TRAF3IP1: variants seen among roughly 807,000 people sequenced by gnomAD.
TRAF3IP1 encodes the protein TRAF3-interacting protein 1.
Under a neutral mutation model 89.9 loss-of-function variants are expected in TRAF3IP1, and 53 were observed. The observed-to-expected ratio is 0.59, with a 90% CI of 0.47 to 0.74. The LOEUF (loss-of-function observed/expected upper bound fraction) is 0.74, where lower values mean the gene tolerates loss of function less well. Among genes scored for constraint, TRAF3IP1 ranks in the 30% least tolerant of loss-of-function variants. The pLI is 0.00. For synonymous variants in TRAF3IP1, 311 were observed against 322.1 expected (o/e 0.97, Z 0.37); for missense variants, 806 against 866.1 (o/e 0.93, Z 0.87).
At chr2:238,364,912 G>A (rs1281250779) in intron 15 of TRAF3IP1, among the ~76,000 whole-genome samples, 4 of 152,180 alleles carry the variant, frequency 2.6e-5, no homozygotes, top group African/African-American at 9.7e-5. Context: ...CATTCTGAAA[G>A]AAAGTTGTAA....
intron 2 of TRAF3IP1, 67 bp from the exon 3 acceptor site, chr2:238,325,742 C>T (rs1410362512): frequency 1.4e-6 from 2 of 1,458,294 alleles, no homozygotes; most frequent in African/African-American, 1.4e-5. Flanking sequence ...GCCTGGTAAA[C>T]ATACAGAAGA....
chr2:238,329,365 G>A (rs368452242), intron 5 of TRAF3IP1, 23 bp downstream of exon 5: 2 of 1,340,880 alleles, frequency 1.5e-6, no homozygotes, highest in Non-Finnish European at 1.9e-6. Context: ...TGAGAACCTC[G>A]CCTTTTGCTT....
At chr2:238,354,901 G>C (rs1559373631) in intron 14 of TRAF3IP1, among the ~76,000 whole-genome samples, 1 of 151,618 alleles carries the variant, frequency 6.6e-6, no homozygotes, top group Non-Finnish European at 1.5e-5. Context: ...CGGCCCCCTT[G>C]GCCTCCCAAA....
intron 8 of TRAF3IP1, among the ~76,000 whole-genome samples, chr2:238,344,010 T>C (rs1698779221): frequency 6.6e-6 from 1 of 152,150 alleles, no homozygotes; most frequent in Non-Finnish European, 1.5e-5. Context: ...ATATTTTTTC[T>C]ATCTTCATAA....
intron 10 of TRAF3IP1, 95 bp downstream of exon 10, chr2:238,347,570 C>T (rs1398512353): frequency 3.2e-6 from 4 of 1,257,036 alleles, no homozygotes; most frequent in African/African-American, 1.5e-5. Context: ...TTATAAAGTG[C>T]ATTAGTGAAA....
intron 15 of TRAF3IP1, among the ~76,000 whole-genome samples, chr2:238,377,035 C>G (rs1700345422): frequency 6.6e-6 from 1 of 152,112 alleles, no homozygotes; most frequent in Non-Finnish European, 1.5e-5. Context: ...CAATCGCACC[C>G]AGAGTCCATG....
chr2:238,331,707 C>T (rs935183791), intron 5 of TRAF3IP1, among the ~76,000 whole-genome samples: 124 of 152,232 alleles, frequency 8.1e-4, no homozygotes, highest in African/African-American at 2.3e-3. Context: ...CATTGAGCCG[C>T]GTAGGTCTGG....
chr2:238,337,385 C>G (rs544002099), intron 7 of TRAF3IP1, among the ~76,000 whole-genome samples: 2 of 152,152 alleles, frequency 1.3e-5, no homozygotes, highest in South Asian at 4.1e-4. Flanking sequence ...GGGAAAGGGC[C>G]GGGCCAGGAA....
chr2:238,352,077 G>A (rs759702137), intron 12 of TRAF3IP1, among the ~76,000 whole-genome samples: 1 of 152,108 alleles, frequency 6.6e-6, no homozygotes, highest in African/African-American at 2.4e-5. Context: ...CATTTGTACA[G>A]AGTGAGCTGA....
At chr2:238,334,077 A>AG (rs753623031) in intron 7 of TRAF3IP1, 42 bp downstream of exon 7, 1 of 1,030,876 alleles carries the variant, frequency 9.7e-7, no homozygotes, top group Non-Finnish European at 1.3e-6. Flanking sequence ...TATGGATATT[A>AG]GTTTTTTTTT....
chr2:238,343,143 G>C (rs1411876615), intron 8 of TRAF3IP1, among the ~76,000 whole-genome samples: 1 of 151,510 alleles, frequency 6.6e-6, no homozygotes, highest in African/African-American at 2.4e-5. Flanking sequence ...CTGGAGTGCA[G>C]TGGCACGATC....
intron 15 of TRAF3IP1, among the ~76,000 whole-genome samples, chr2:238,357,692 C>G (rs138175588): frequency 2.0e-5 from 3 of 152,300 alleles, no homozygotes; most frequent in African/African-American, 7.2e-5. Context: ...ATAGTCCTTT[C>G]TGTATGCATG....
chr2:238,348,871 T>C, intron 11 of TRAF3IP1, 23 bp downstream of exon 11: 1 of 1,606,540 alleles, frequency 6.2e-7, no homozygotes, highest in Non-Finnish European at 8.5e-7. Flanking sequence ...TGAATCCCTT[T>C]CCCTCAGCAG....
chr2:238,387,750 A>ATGT (rs1700832849), intron 15 of TRAF3IP1, among the ~76,000 whole-genome samples: 1 of 152,238 alleles, frequency 6.6e-6, no homozygotes, highest in African/African-American at 2.4e-5. Flanking sequence ...TCAGAAACGC[A>ATGT]AATGAACAAA....
At chr2:238,377,973 C>G (rs4663884) in intron 15 of TRAF3IP1, among the ~76,000 whole-genome samples, 42,949 of 151,990 alleles carry the variant, frequency 0.28, 6,224 homozygotes, top group African/African-American at 0.31. Context: ...TGCTAGAACT[C>G]TTTAATATTT....
At chr2:238,389,147 C>G (rs7606431) in intron 15 of TRAF3IP1, among the ~76,000 whole-genome samples, 110,597 of 152,068 alleles carry the variant, frequency 0.73, 40,449 homozygotes, top group Middle Eastern at 0.79. Flanking sequence ...GGCAGGGCAG[C>G]GGTCAGAGGC....
intron 1 of TRAF3IP1, among the ~76,000 whole-genome samples, chr2:238,321,224 T>C (rs955819128): frequency 1.2e-4 from 18 of 152,200 alleles, no homozygotes; most frequent in Admixed American, 1.0e-3. Context: ...TGTATTTCCT[T>C]AGAGTGCATC....
chr2:238,392,664 C>G (rs1341873865), intron 15 of TRAF3IP1, among the ~76,000 whole-genome samples: 6 of 152,164 alleles, frequency 3.9e-5, no homozygotes, highest in East Asian at 1.9e-4. Context: ...CCTCGCCCCC[C>G]CACCCGGGTT....
intron 8 of TRAF3IP1, among the ~76,000 whole-genome samples, chr2:238,340,951 G>A (rs529735988): frequency 8.6e-4 from 131 of 152,078 alleles, no homozygotes; most frequent in Non-Finnish European, 1.5e-3. Context: ...TCCGCCTCCC[G>A]GGTTCAAGCG....
Sources: allele counts gnomAD v4.1 joint callset (sites outside exome capture counted in the v4.1 genomes callset), GRCh38; gene constraint gnomAD v4.1.1; transcripts MANE v1.5; gene names NCBI Gene and HGNC (gene_info 2026-07-23, HGNC 2026-07-21).